The following KIAA1549L variants were observed in gnomAD, a reference collection of about 807,000 sequenced individuals.
KIAA1549L encodes the protein UPF0606 protein KIAA1549L.
KIAA1549L carries 88 observed loss-of-function variants against 160.7 expected under a neutral mutation model. That is an observed-to-expected ratio of 0.55 (90% CI 0.46 to 0.65). KIAA1549L has a LOEUF of 0.65. KIAA1549L is among the 30% of genes least tolerant of loss of function. KIAA1549L has a pLI of 0.00. For synonymous variants in KIAA1549L, 950 were observed against 976.7 expected (o/e 0.97, Z 0.51); for missense variants, 2,258 against 2,437.5 (o/e 0.93, Z 1.55).
chr11:33,545,339 C>G lies in KIAA1549L; in HGVS notation c.3346C>G (p.Leu1116Val), dbSNP rs1854213234. The G allele has an allele frequency of 1.9e-6, 3 of 1,612,342 alleles. No homozygotes were observed. Among genetic ancestry groups the G allele is most frequent in the East Asian group, 4.5e-5 (2 of 44,826 alleles). ...CACGACTGGCAAAATGGCATCCAAC[C>G]TGGAGTGTCAGATGTCCAGTAAGCT... is the stretch of plus-strand genomic sequence containing the variant. ...VVTTGKMASN[L>V]ECQMSSKLLV... The change falls in exon 3 of 21, where the codon CTG (leucine) becomes GTG (valine). Residue 1116 changes from leucine to valine, a missense_variant. Physicochemically the swap from Leu to Val is conservative, Grantham distance 32 (BLOSUM62 1). This residue lies in a region of KIAA1549L where 1,359 missense variants were observed against 1,546.6 expected (regional missense o/e 0.88). Transcript: ENST00000658780.
At chr11:33,498,366 T>C (rs942035862) in intron 1 of KIAA1549L, among the ~76,000 whole-genome samples, 6 of 152,138 alleles carry the variant, frequency 3.9e-5, no homozygotes, top group Non-Finnish European at 8.8e-5. Context: ...TGGAATACAG[T>C]GTGTGGTTTG....
chr11:33,639,741 T>C (rs1416011768), intron 16 of KIAA1549L, among the ~76,000 whole-genome samples: 1 of 152,176 alleles, frequency 6.6e-6, no homozygotes, highest in Non-Finnish European at 1.5e-5. Flanking sequence ...CATTTCACCA[T>C]GTTGCCCAGG....
intron 16 of KIAA1549L, among the ~76,000 whole-genome samples, chr11:33,645,281 G>C (rs1851684627): frequency 6.6e-6 from 1 of 152,150 alleles, no homozygotes; most frequent in Non-Finnish European, 1.5e-5. Context: ...TTTAGGGAGT[G>C]AATCTAGAAT....
intron 15 of KIAA1549L, among the ~76,000 whole-genome samples, chr11:33,614,578 A>T (rs1417586903): frequency 0.016 from 146 of 9,418 alleles, 19 homozygotes; most frequent in African/African-American, 0.08. Context: ...ATATATATAT[A>T]TATATATTTT....
intron 1 of KIAA1549L, among the ~76,000 whole-genome samples, chr11:33,466,039 A>C (rs1852050830): frequency 6.6e-6 from 1 of 152,250 alleles, no homozygotes; most frequent in Admixed American, 6.5e-5. Flanking sequence ...AAACAGACTG[A>C]CATTCTCATC....
At chr11:33,638,908 G>A (rs138745605) in intron 16 of KIAA1549L, among the ~76,000 whole-genome samples, 1 of 152,044 alleles carries the variant, frequency 6.6e-6, no homozygotes, top group East Asian at 1.9e-4. Flanking sequence ...GGACATTTTT[G>A]TGTCTTCTTT....
At chr11:33,580,571 C>CAAAAAAAAAAAAAAAAAAAAA (rs368467299) in intron 10 of KIAA1549L, among the ~76,000 whole-genome samples, 1 of 52,524 alleles carries the variant, frequency 1.9e-5, no homozygotes, top group Non-Finnish European at 4.4e-5. Flanking sequence ...GATTCTGCCT[C>CAAAAAAAAAAAAAAAAAAAAA]AAAAAAAAAA....
chr11:33,645,556 C>G, intron 16 of KIAA1549L, 130 bp from the exon 17 acceptor site: 1 of 693,150 alleles, frequency 1.4e-6, no homozygotes, highest in South Asian at 1.9e-5. Context: ...AGATAGGGCA[C>G]GTAGGATATA....
chr11:33,377,607 G>T (rs910923797), intron 1 of KIAA1549L, among the ~76,000 whole-genome samples: 1 of 152,180 alleles, frequency 6.6e-6, no homozygotes, highest in African/African-American at 2.4e-5. Context: ...GCAGTAAGCA[G>T]TTGTCCTGGA....
intron 1 of KIAA1549L, among the ~76,000 whole-genome samples, chr11:33,475,789 CA>C (rs1590272890): frequency 6.6e-6 from 1 of 152,174 alleles, no homozygotes; most frequent in East Asian, 1.9e-4. Context: ...CTCAGGAGAT[CA>C]AGGCTGCAGT....
chr11:33,435,763 T>G (rs868740726), intron 1 of KIAA1549L, among the ~76,000 whole-genome samples: 932 of 9,000 alleles, frequency 0.1, 115 homozygotes, highest in South Asian at 0.17. Context: ...CAATAAGATA[T>G]ATATATATAT....
chr11:33,448,527 G>C (rs1444520242), intron 1 of KIAA1549L, among the ~76,000 whole-genome samples: 1 of 152,176 alleles, frequency 6.6e-6, no homozygotes, highest in Non-Finnish European at 1.5e-5. Flanking sequence ...CCACAGTTTG[G>C]AATATTTTGC....
chr11:33,536,752 A>G (rs1331332753), intron 1 of KIAA1549L, among the ~76,000 whole-genome samples: 5 of 152,216 alleles, frequency 3.3e-5, no homozygotes, highest in Non-Finnish European at 2.9e-5. Context: ...AACTCTGAGA[A>G]TTGAAAGGGA....
chr11:33,640,842 T>C (rs2133393913), intron 16 of KIAA1549L, among the ~76,000 whole-genome samples: 1 of 152,296 alleles, frequency 6.6e-6, no homozygotes, highest in East Asian at 1.9e-4. Flanking sequence ...TTGAAAAAAA[T>C]GAGTTTCTCA....
Position 33,559,797 on chromosome 11 carries a change from G to A in KIAA1549L, c.3904G>A (p.Val1302Met), listed in dbSNP as rs369439478. The A allele has an allele frequency of 5.8e-5, 93 of 1,613,856 alleles. No homozygotes were observed. The highest frequency in any genetic ancestry group is 7.5e-5 in the Non-Finnish European group (89 of 1,179,876). The part of the protein sequence containing the change: ...ASQAVTLVYV[V>M]GNQSTFLNGT... ...CCAGGCAGTCACCTTGGTGTACGTC[G>A]TGGGCAATCAGAGCACATTCCTCAA... The change falls in exon 7 of 21, where the codon GTG becomes ATG. Residue 1302 changes from valine (V) to methionine (M), a missense_variant. Physicochemically the swap from Val to Met is conservative, Grantham distance 21. Around this residue, in one of 6 missense-constraint regions of KIAA1549L, gnomAD observed 1,359 missense variants for 1,546.6 expected, o/e 0.88. Transcript: ENST00000658780.
intron 6 of KIAA1549L, among the ~76,000 whole-genome samples, chr11:33,552,841 A>G (rs1386270449): frequency 1.3e-5 from 2 of 152,224 alleles, no homozygotes; most frequent in Non-Finnish European, 2.9e-5. Flanking sequence ...CTGAGAGGCT[A>G]AGAAACTTCC....
chr11:33,625,737 T>C (rs1416984965), intron 16 of KIAA1549L, among the ~76,000 whole-genome samples: 1 of 152,224 alleles, frequency 6.6e-6, no homozygotes, highest in Non-Finnish European at 1.5e-5. Flanking sequence ...TAGTTTCTTT[T>C]GCTGTGCAGA....
At chr11:33,530,475 A>ATG (rs1853742938) in intron 1 of KIAA1549L, among the ~76,000 whole-genome samples, 2 of 114,464 alleles carry the variant, frequency 1.7e-5, no homozygotes. Context: ...ATATATATAT[A>ATG]TATATATATG....
Position 33,545,398 on chromosome 11 carries a change from A to G in KIAA1549L, c.3385+20A>G. ...AGACAGGTATGAGACCACTGTTCTGATCTGAAAGCAGCAAGCCTGGCCTCA... is the reference window on the plus strand; with the variant it reads ...AGACAGGTATGAGACCACTGTTCTGGTCTGAAAGCAGCAAGCCTGGCCTCA... On this transcript the variant is annotated intron_variant, in intron 3 of 20. Transcript: ENST00000658780. 6.3e-7 allele frequency: 1 copy of G among 1,586,448 alleles called. No individual in the cohort carries two copies. The highest frequency in any genetic ancestry group is 8.6e-7 in the Non-Finnish European group (1 of 1,169,240).
Sources: gnomAD v4.1 joint callset for allele counts (sites outside exome capture counted in the v4.1 genomes callset) on GRCh38, gnomAD v4.1.1 for gene constraint, gnomAD v4.1.1 regional missense constraint, MANE v1.5 for transcripts, NCBI Gene and HGNC (gene_info 2026-07-23, HGNC 2026-07-21) for gene names.